Variants in SLC25A48 observed in about 807,000 individuals in gnomAD.
SLC25A48 encodes the protein CTC-321K16.1.
SLC25A48 carries 29 observed loss-of-function variants against 32.2 expected under a neutral mutation model. The observed-to-expected ratio is 0.90, with a 90% CI of 0.67 to 1.23. The LOEUF is 1.23. Ranked by LOEUF, SLC25A48 falls within the 50% of genes most tolerant of loss-of-function variation. SLC25A48 has a pLI of 0.00. For synonymous variants in SLC25A48, 164 were observed against 172.3 expected, an observed-to-expected ratio of 0.95 and a Z score of 0.38; for missense variants, 399 against 422.7, an observed-to-expected ratio of 0.94 and a Z score of 0.49.
At chr5:135,637,658 T>C (rs1282313327) in intron 3 of SLC25A48, among the ~76,000 whole-genome samples, 2 of 152,214 alleles carry the variant, frequency 1.3e-5, no homozygotes, top group African/African-American at 2.4e-5. Flanking sequence ...CTCTGGTAGA[T>C]AGCAAAGCAC....
chr5:135,592,110 C>T (rs917992451), intron 1 of SLC25A48, among the ~76,000 whole-genome samples: 2 of 152,138 alleles, frequency 1.3e-5, no homozygotes, highest in Non-Finnish European at 2.9e-5. Flanking sequence ...GCCCAAGGTC[C>T]CTTAGTGCCA....
intron 1 of SLC25A48, among the ~76,000 whole-genome samples, chr5:135,604,926 C>G (rs1751897331): frequency 6.6e-6 from 1 of 152,126 alleles, no homozygotes; most frequent in African/African-American, 2.4e-5. Context: ...TAATAACACT[C>G]ATCTCATAGG....
At chr5:135,693,286 T>C (rs796984074) in intron 3 of SLC25A48, among the ~76,000 whole-genome samples, 34 of 152,346 alleles carry the variant, frequency 2.2e-4, no homozygotes, top group African/African-American at 8.2e-4. Flanking sequence ...CCTGTTTCAG[T>C]TGCTGTAAAG....
intron 4 of SLC25A48, among the ~76,000 whole-genome samples, chr5:135,814,161 C>A (rs1489493744): frequency 6.6e-6 from 1 of 152,172 alleles, no homozygotes; most frequent in Non-Finnish European, 1.5e-5. Flanking sequence ...AGGGTCCATG[C>A]CCATGAGCAC....
At chr5:135,877,107 G>T (rs1319058504) in intron 6 of SLC25A48, among the ~76,000 whole-genome samples, 1 of 152,198 alleles carries the variant, frequency 6.6e-6, no homozygotes, top group Non-Finnish European at 1.5e-5. Context: ...GATCAGTGGT[G>T]CAGCCTTTGT....
chr5:135,828,849 T>C (rs1758134194), intron 4 of SLC25A48, among the ~76,000 whole-genome samples: 2 of 152,178 alleles, frequency 1.3e-5, no homozygotes, highest in Non-Finnish European at 2.9e-5. Flanking sequence ...CATGGGGGCT[T>C]TGGGTGAGCA....
rs57388858 is a variant in SLC25A48 at position 135,621,127 on chromosome 5, C to T, written c.-848-8110C>T. Among the ~76,000 whole-genome samples the T allele has an allele frequency of 4.1e-3, 628 of 152,278 alleles. 3 individuals are homozygous for T. Among genetic ancestry groups the T allele is most frequent in the African/African-American group, 0.015 (604 of 41,548 alleles). ...ATGTGACAAACAGGGCTGCATGCTG[C>T]CAAGAGGAAAAGTGCTATAGTTAAC... On this transcript the variant is annotated intron_variant, in intron 1 of 10. Coordinates refer to the SLC25A48 transcript ENST00000646290.
At chr5:135,650,616 C>T in intron 3 of SLC25A48, 1 of 336,346 alleles carries the variant, frequency 3.0e-6, no homozygotes, top group South Asian at 2.2e-5. Flanking sequence ...TTATTAAGCA[C>T]CTACTGTTAG....
At chr5:135,777,191 G>A (rs1312256658) in intron 3 of SLC25A48, among the ~76,000 whole-genome samples, 2 of 151,632 alleles carry the variant, frequency 1.3e-5, no homozygotes, top group Admixed American at 1.3e-4. Flanking sequence ...ATATCCAGGC[G>A]GGGAGAAAAT....
intron 3 of SLC25A48, among the ~76,000 whole-genome samples, chr5:135,757,976 ATAT>A (rs2127014918): frequency 6.6e-6 from 1 of 150,676 alleles, no homozygotes; most frequent in Non-Finnish European, 1.5e-5. Flanking sequence ...ACACACTATG[ATAT>A]TAATAGAATA....
chr5:135,815,276 A>G (rs1757687119), intron 4 of SLC25A48, among the ~76,000 whole-genome samples: 1 of 152,180 alleles, frequency 6.6e-6, no homozygotes, highest in Non-Finnish European at 1.5e-5. Context: ...TTAGAGTCTC[A>G]TAAGGAGCAT....
intron 3 of SLC25A48, among the ~76,000 whole-genome samples, chr5:135,757,774 A>G (rs1755954515): frequency 6.8e-6 from 1 of 147,442 alleles, no homozygotes; most frequent in South Asian, 2.2e-4. Context: ...GATTATATTT[A>G]TAATGTGTTA....
At chr5:135,767,516 A>G (rs1756273685) in intron 3 of SLC25A48, among the ~76,000 whole-genome samples, 1 of 151,802 alleles carries the variant, frequency 6.6e-6, no homozygotes, top group Admixed American at 6.6e-5. Flanking sequence ...AAAGAAAATG[A>G]TATTACTTTC....
chr5:135,845,208 G>A (rs1759310940), intron 2 of SLC25A48, among the ~76,000 whole-genome samples: 1 of 152,200 alleles, frequency 6.6e-6, no homozygotes, highest in South Asian at 2.1e-4. Context: ...CATTCCTTGG[G>A]CAGTGGCTCT....
Position 135,852,584 on chromosome 5 carries a change from A to C in SLC25A48, c.184A>C (p.Met62Leu). The C allele has an allele frequency of 6.3e-7, 1 of 1,599,724 alleles. No individual in the cohort carries two copies. Among genetic ancestry groups the C allele is most frequent in the Non-Finnish European group, 8.6e-7 (1 of 1,168,022 alleles). ...RESMFGFFKG[M>L]SFPLASIAVY... is the part of the protein sequence containing the mutation. ...GCAGATGTTCGGCTTCTTCAAGGGC[A>C]TGTCCTTCCCCCTCGCCAGCATTGC... The change falls in exon 4 of 8, where the codon ATG (methionine) becomes CTG (leucine). Residue 62 changes from methionine to leucine, a missense_variant. By Grantham distance (15) the Met-to-Leu change is conservative. Coordinates refer to ENST00000681962, the MANE Select transcript of SLC25A48 (RefSeq NM_001349336.2).
intron 3 of SLC25A48, among the ~76,000 whole-genome samples, chr5:135,769,816 G>T (rs75313315): frequency 6.6e-6 from 1 of 151,476 alleles, no homozygotes; most frequent in Non-Finnish European, 1.5e-5. Flanking sequence ...TCCCAACATC[G>T]CAGGGAGTTT....
intron 4 of SLC25A48, among the ~76,000 whole-genome samples, chr5:135,870,909 A>G (rs1761583663): frequency 6.6e-6 from 1 of 151,256 alleles, no homozygotes; most frequent in Non-Finnish European, 1.5e-5. Flanking sequence ...ATAAAATTAT[A>G]AATATTAAAT....
chr5:135,821,833 G>A (rs1023845404), intron 4 of SLC25A48: 3 of 152,276 alleles, frequency 2.0e-5, no homozygotes, highest in African/African-American at 7.2e-5. Flanking sequence ...GAGGCCTGCC[G>A]AGGGAGGCTT....
chr5:135,724,477 G>A (rs1377723122), intron 3 of SLC25A48, among the ~76,000 whole-genome samples: 1 of 152,214 alleles, frequency 6.6e-6, no homozygotes, highest in Non-Finnish European at 1.5e-5. Flanking sequence ...CTCGCAAGAT[G>A]GGCTGCTAAG....
Sources: allele counts gnomAD v4.1 joint callset (sites outside exome capture counted in the v4.1 genomes callset), GRCh38; gene constraint gnomAD v4.1.1; transcripts MANE v1.5; gene names NCBI Gene and HGNC (gene_info 2026-07-23, HGNC 2026-07-21).